PLEKHA7: variants seen among roughly 807,000 people sequenced by gnomAD.
PLEKHA7 encodes pleckstrin homology domain containing A7, also known as pleckstrin homology domain-containing family A member 7.
Under a neutral mutation model 170.0 loss-of-function variants are expected in PLEKHA7, and 104 were observed. That is an observed-to-expected ratio of 0.61 (90% CI 0.52 to 0.72). The LOEUF (loss-of-function observed/expected upper bound fraction) is 0.72. Among genes scored for constraint, PLEKHA7 ranks in the 30% least tolerant of loss-of-function variants. The pLI is 0.00. For synonymous variants in PLEKHA7, 648 were observed against 660.8 expected (o/e 0.98, Z 0.30); for missense variants, 1,615 against 1,671.7 (o/e 0.97, Z 0.59).
At chr11:16,860,721 G>C (rs1349331319) in intron 4 of PLEKHA7, among the ~76,000 whole-genome samples, 1 of 152,138 alleles carries the variant, frequency 6.6e-6, no homozygotes, top group African/African-American at 2.4e-5. Context: ...CCTATGGCAG[G>C]TCCCAAGGTC....
intron 24 of PLEKHA7, among the ~76,000 whole-genome samples, chr11:16,785,782 C>A (rs1479322459): frequency 6.6e-6 from 1 of 152,196 alleles, no homozygotes; most frequent in Non-Finnish European, 1.5e-5. Flanking sequence ...CTGTGATTTT[C>A]AAACCTGCCC....
chr11:17,007,746 G>C (rs555157059), intron 3 of PLEKHA7, among the ~76,000 whole-genome samples: 25 of 151,962 alleles, frequency 1.6e-4, no homozygotes, highest in African/African-American at 6.0e-4. Context: ...GCTAAGTTTT[G>C]TATTTTTTGT....
chr11:16,935,769 G>A (rs1052946512), intron 3 of PLEKHA7, among the ~76,000 whole-genome samples: 1 of 152,200 alleles, frequency 6.6e-6, no homozygotes, highest in Admixed American at 6.5e-5. Context: ...ACATGTTTTT[G>A]AGGCTCATTC....
At chr11:16,958,000 G>C (rs924532001) in intron 3 of PLEKHA7, among the ~76,000 whole-genome samples, 1 of 151,878 alleles carries the variant, frequency 6.6e-6, no homozygotes, top group East Asian at 2.0e-4. Context: ...ACTGTGCCTG[G>C]CCTTACCTCA....
chr11:16,920,780 C>A (rs1374933274), intron 3 of PLEKHA7, among the ~76,000 whole-genome samples: 1 of 152,206 alleles, frequency 6.6e-6, no homozygotes, highest in East Asian at 1.9e-4. Flanking sequence ...GAGTGCACAG[C>A]TCCATGCCGT....
At chr11:16,990,733 T>C (rs1270783428) in intron 3 of PLEKHA7, among the ~76,000 whole-genome samples, 1 of 152,264 alleles carries the variant, frequency 6.6e-6, no homozygotes. Flanking sequence ...GCACTGTGGC[T>C]GTGTACCACA....
chr11:16,998,304 A>C (rs531860050), intron 3 of PLEKHA7, among the ~76,000 whole-genome samples: 7 of 152,244 alleles, frequency 4.6e-5, no homozygotes, highest in Non-Finnish European at 8.8e-5. Flanking sequence ...CTTCAGGAAA[A>C]AAACAAACAA....
At chr11:16,847,784 G>C (rs939064882) in intron 8 of PLEKHA7, among the ~76,000 whole-genome samples, 2 of 149,698 alleles carry the variant, frequency 1.3e-5, no homozygotes, top group African/African-American at 4.9e-5. Flanking sequence ...GGAGGTTGCA[G>C]TGAGCCAAGA....
chr11:16,892,424 GTGTGTGTGTGTTT>G (rs770292609), intron 3 of PLEKHA7, among the ~76,000 whole-genome samples: 1,823 of 109,930 alleles, frequency 0.017, 31 homozygotes, highest in African/African-American at 0.052. Context: ...GTGTGTGTGT[GTGTGTGTGTGTTT>G]TGTTTTGTTT....
intron 9 of PLEKHA7, among the ~76,000 whole-genome samples, chr11:16,837,765 C>T (rs1397719931): frequency 6.6e-6 from 1 of 152,156 alleles, no homozygotes; most frequent in African/African-American, 2.4e-5. Flanking sequence ...TCTCCAGCTT[C>T]TGGGTTTAAT....
chr11:16,865,231 C>T (rs1854287700), intron 4 of PLEKHA7, among the ~76,000 whole-genome samples: 2 of 152,160 alleles, frequency 1.3e-5, no homozygotes. Flanking sequence ...AACTATTCTC[C>T]CCCTTTCTCT....
intron 4 of PLEKHA7, among the ~76,000 whole-genome samples, chr11:16,864,939 C>A (rs1056475968): frequency 6.6e-6 from 1 of 152,174 alleles, no homozygotes; most frequent in Non-Finnish European, 1.5e-5. Context: ...TTGCCCACCA[C>A]ATGATAAATG....
intron 8 of PLEKHA7, among the ~76,000 whole-genome samples, chr11:16,844,620 A>C (rs1005463168): frequency 2.0e-5 from 3 of 152,188 alleles, no homozygotes; most frequent in Non-Finnish European, 4.4e-5. Context: ...TGCATAACTG[A>C]ATAGAAAACA....
Position 16,813,186 on chromosome 11 carries a change from G to GA in PLEKHA7, c.1954-21dup, listed in dbSNP as rs1302597663. 5 of 1,608,926 alleles carry GA rather than the reference G, an allele frequency of 3.1e-6. No homozygotes were observed. The highest frequency in any genetic ancestry group is 3.4e-6 in the Non-Finnish European group (4 of 1,175,726). ...ATCAGCCTTCAAATGAAGCAGAGAG[G>GA]AAAAAACACAGTTATGAACACCAAG... On this transcript the variant is annotated intron_variant, in intron 12 of 26. Coordinates refer to ENST00000531066, the MANE Select transcript of PLEKHA7 (RefSeq NM_001329630.2).
intron 10 of PLEKHA7, among the ~76,000 whole-genome samples, chr11:16,818,934 G>C (rs982491481): frequency 1.3e-5 from 2 of 151,318 alleles, no homozygotes; most frequent in African/African-American, 4.9e-5. Flanking sequence ...CTCCTGAGTA[G>C]CTGGGACTAC....
In PLEKHA7 at chr11:16,789,292, G is replaced by C. The variant is rs1849623453; in HGVS notation, c.3161C>G (p.Pro1054Arg). 1 of 1,613,000 alleles carries C rather than the reference G, an allele frequency of 6.2e-7. No individual in the cohort carries two copies. Among genetic ancestry groups the C allele is most frequent in the African/African-American group, 1.3e-5 (1 of 74,918 alleles). The change falls in exon 23 of 27, where the codon CCT (proline) becomes CGT (arginine). Residue 1054 changes from proline to arginine, a missense_variant. Physicochemically the swap from Pro to Arg is moderately radical, Grantham distance 103. Transcript: ENST00000531066. The surrounding 1 kb of genome is among the most constrained non-coding windows in gnomAD (Gnocchi z 4.6). ...GTACAGGCGCTCCAAGGCACTCTTA[G>C]GTCTCTGAGGAAGAGGAGGCAGGCA... ...AESSKATFPR[P>R]KSALERLYSG... is the part of the protein sequence containing the mutation.
chr11:16,985,742 A>T (rs1425183813), intron 3 of PLEKHA7, among the ~76,000 whole-genome samples: 1 of 152,244 alleles, frequency 6.6e-6, no homozygotes, highest in African/African-American at 2.4e-5. Context: ...CAGGCTAATG[A>T]GGGAGAGACA....
chr11:16,784,128 C>T (rs952341327), intron 24 of PLEKHA7, among the ~76,000 whole-genome samples: 4 of 152,148 alleles, frequency 2.6e-5, no homozygotes, highest in Non-Finnish European at 4.4e-5. Flanking sequence ...TCCTTAATGC[C>T]ACCGTCAAGG....
intron 3 of PLEKHA7, among the ~76,000 whole-genome samples, chr11:16,873,336 C>T (rs932905423): frequency 6.6e-6 from 1 of 152,188 alleles, no homozygotes; most frequent in Admixed American, 6.5e-5. Flanking sequence ...GTAAACTGGG[C>T]ACTGAAGGTT....
Sources: allele counts gnomAD v4.1 joint callset (sites outside exome capture counted in the v4.1 genomes callset), GRCh38; gene constraint gnomAD v4.1.1; non-coding constraint Gnocchi (gnomAD v3.1); transcripts MANE v1.5; gene names NCBI Gene and HGNC (gene_info 2026-07-23, HGNC 2026-07-21).